Variants in TASP1 observed in about 807,000 individuals in gnomAD.
TASP1 encodes threonine aspartase 1.
In TASP1, 16 loss-of-function variants were observed where a neutral mutation model predicts 56.6. The ratio of observed to expected loss-of-function variants is 0.28; its 90% CI spans 0.19 to 0.43. TASP1 has a LOEUF of 0.43. Ranked by LOEUF, TASP1 falls within the 20% of genes least tolerant of loss-of-function variation. The pLI is 1.00. For synonymous variants in TASP1, 179 were observed against 184.2 expected (o/e 0.97, Z 0.23); for missense variants, 393 against 511.6 (o/e 0.77, Z 2.24).
At chr20:13,347,074 G>A in the TASP1 span, among the ~76,000 whole-genome samples, 1 of 152,252 alleles carries the variant, frequency 6.6e-6, no homozygotes, top group African/African-American at 2.4e-5. Flanking sequence ...TTATGAAACA[G>A]TATGCATAGC....
At chr20:13,222,511 T>A in the TASP1 span, among the ~76,000 whole-genome samples, 1 of 152,050 alleles carries the variant, frequency 6.6e-6, no homozygotes, top group African/African-American at 2.4e-5. Flanking sequence ...TCCCCCCTTG[T>A]GCCCCCTTGG....
At chr20:13,449,568 TG>T (rs1222616197) in intron 11 of TASP1, among the ~76,000 whole-genome samples, 1 of 152,138 alleles carries the variant, frequency 6.6e-6, no homozygotes, top group Non-Finnish European at 1.5e-5. Context: ...TCTATTTTAT[TG>T]TGACAACAAT....
At chr20:13,540,095 C>G (rs2045567340) in intron 8 of TASP1, among the ~76,000 whole-genome samples, 1 of 152,146 alleles carries the variant, frequency 6.6e-6, no homozygotes, top group Admixed American at 6.6e-5. Flanking sequence ...AACTTATACC[C>G]ATAGTGAACC....
intron 11 of TASP1, among the ~76,000 whole-genome samples, chr20:13,474,452 A>G (rs1568849500): frequency 6.6e-6 from 1 of 152,210 alleles, no homozygotes; most frequent in East Asian, 1.9e-4. Context: ...AAGTTTCTGT[A>G]AAAGACATTA....
At chr20:13,150,034 T>C in the TASP1 span, among the ~76,000 whole-genome samples, 4,099 of 152,316 alleles carry the variant, frequency 0.027, 74 homozygotes, top group African/African-American at 0.032. Flanking sequence ...AAGTGCTGAA[T>C]GCACACGGGG....
chr20:13,515,130 G>A (rs1409038211), intron 10 of TASP1, among the ~76,000 whole-genome samples: 1 of 151,992 alleles, frequency 6.6e-6, no homozygotes, highest in Non-Finnish European at 1.5e-5. Context: ...CAAGAACCTT[G>A]GCTAACATAC....
chr20:13,405,594 TG>T (rs1568756213), intron 13 of TASP1, among the ~76,000 whole-genome samples: 1 of 152,166 alleles, frequency 6.6e-6, no homozygotes, highest in Non-Finnish European at 1.5e-5. Flanking sequence ...TTGCCCAGGC[TG>T]GGGTGCAGTG....
chr20:13,391,441 G>A lies in TASP1; in HGVS notation c.1171-989C>T, dbSNP rs376801636. Among the ~76,000 whole-genome samples, 11 of 152,196 alleles carry A rather than the reference G, an allele frequency of 7.2e-5. No homozygotes were observed. In the East Asian group the frequency reaches 1.9e-3, roughly 27 times the overall value. ...TCTGGAATTTCTAAGAAGAAAGAGG[G>A]GCTGCATAAACTTCACGCAATCCTC... On this transcript the variant is annotated intron_variant, in intron 13 of 13. Coordinates refer to ENST00000337743, the MANE Select transcript of TASP1 (RefSeq NM_017714.3).
chr20:13,228,455 C>T, the TASP1 span, among the ~76,000 whole-genome samples: 1 of 152,044 alleles, frequency 6.6e-6, no homozygotes, highest in African/African-American at 2.4e-5. Context: ...TATCTTATTT[C>T]CCCCCTAAGA....
intron 13 of TASP1, among the ~76,000 whole-genome samples, chr20:13,398,786 G>C (rs2041635973): frequency 6.6e-6 from 1 of 152,162 alleles, no homozygotes; most frequent in African/African-American, 2.4e-5. Flanking sequence ...GCAGCTGGTT[G>C]CACTGGAAAT....
At chr20:13,299,356 G>A in the TASP1 span, 2 of 1,613,940 alleles carry the variant, frequency 1.2e-6, no homozygotes, top group Non-Finnish European at 1.7e-6. The surrounding 1 kb of genome is among the most constrained non-coding windows in gnomAD (Gnocchi z 5.8). Flanking sequence ...GGTGACTGGA[G>A]CAGGTATAAC....
intron 13 of TASP1, among the ~76,000 whole-genome samples, chr20:13,414,153 G>A (rs964014019): frequency 2.0e-5 from 3 of 152,116 alleles, no homozygotes; most frequent in African/African-American, 7.2e-5. Flanking sequence ...GAACATTTCT[G>A]CAGCCTGTCT....
chr20:13,394,324 A>C (rs2041429271), intron 13 of TASP1, among the ~76,000 whole-genome samples: 1 of 145,894 alleles, frequency 6.9e-6, no homozygotes, highest in South Asian at 2.2e-4. Flanking sequence ...AAAAAAAAAA[A>C]AAAAGGCCTG....
intron 4 of TASP1, among the ~76,000 whole-genome samples, chr20:13,622,416 A>C (rs758829888): frequency 3.3e-5 from 5 of 152,172 alleles, no homozygotes; most frequent in Non-Finnish European, 5.9e-5. Context: ...ATATACTTTC[A>C]CCTTCCTTGA....
the TASP1 span, among the ~76,000 whole-genome samples, chr20:13,349,115 T>C: frequency 6.6e-6 from 1 of 152,174 alleles, no homozygotes; most frequent in Admixed American, 6.5e-5. Context: ...ATACTAGCTG[T>C]GGTTTGGTTC....
the TASP1 span, among the ~76,000 whole-genome samples, chr20:13,271,041 GCAAAA>G: frequency 6.6e-6 from 1 of 152,020 alleles, no homozygotes; most frequent in Non-Finnish European, 1.5e-5. Context: ...AAATATAAAA[GCAAAA>G]CAAAACAAAA....
intron 4 of TASP1, among the ~76,000 whole-genome samples, chr20:13,607,940 T>C (rs2048216656): frequency 6.6e-6 from 1 of 152,088 alleles, no homozygotes; most frequent in Non-Finnish European, 1.5e-5. Context: ...TACCACTGCG[T>C]ACTCCAGCTG....
intron 9 of TASP1, among the ~76,000 whole-genome samples, chr20:13,532,851 C>T (rs1268233465): frequency 6.6e-6 from 1 of 152,134 alleles, no homozygotes. Flanking sequence ...CTTGACTTTC[C>T]TATTGCAAAC....
the TASP1 span, among the ~76,000 whole-genome samples, chr20:13,137,648 T>C: frequency 1.3e-5 from 2 of 152,154 alleles, no homozygotes; most frequent in East Asian, 3.8e-4. Flanking sequence ...AAAGAAAGCA[T>C]ATATTCTGTT....
Sources: gnomAD v4.1 joint callset for allele counts (sites outside exome capture counted in the v4.1 genomes callset) on GRCh38, gnomAD v4.1.1 for gene constraint, Gnocchi (gnomAD v3.1) non-coding constraint, MANE v1.5 for transcripts, NCBI Gene and HGNC (gene_info 2026-07-23, HGNC 2026-07-21) for gene names.